FHIT: variants seen among roughly 807,000 people sequenced by gnomAD.
FHIT encodes the protein fragile histidine triad diadenosine triphosphatase, also known as bis(5'-adenosyl)-triphosphatase.
In FHIT, 19 loss-of-function variants were observed where a neutral mutation model predicts 17.9. That is an observed-to-expected ratio of 1.06 (90% CI 0.74 to 1.56). The LOEUF (loss-of-function observed/expected upper bound fraction) is 1.56. FHIT is among the 40% of genes most tolerant of loss of function. The pLI is 0.00. For missense variants in FHIT, 248 were observed against 189.2 expected (o/e 1.31, Z -1.82); for synonymous variants, 81 against 69.7 (o/e 1.16, Z -0.81).
intron 5 of FHIT, among the ~76,000 whole-genome samples, chr3:60,371,365 C>CTT (rs56390367): frequency 6.0e-5 from 9 of 148,878 alleles, no homozygotes; most frequent in East Asian, 2.0e-4. Flanking sequence ...TTTCTTCTAG[C>CTT]TTTTTTTTTT....
chr3:60,277,565 T>C (rs887797318), intron 5 of FHIT, among the ~76,000 whole-genome samples: 44 of 152,170 alleles, frequency 2.9e-4, no homozygotes, highest in African/African-American at 1.0e-3. Flanking sequence ...GCCATTTGCT[T>C]AAGATCAGGG....
intron 2 of FHIT, among the ~76,000 whole-genome samples, chr3:61,198,048 A>C (rs1177455933): frequency 6.6e-6 from 1 of 152,134 alleles, no homozygotes; most frequent in Non-Finnish European, 1.5e-5. Flanking sequence ...GATGAAAGAA[A>C]GTAATGAGTG....
chr3:60,977,576 G>A (rs1235850580), intron 3 of FHIT, among the ~76,000 whole-genome samples: 3 of 152,016 alleles, frequency 2.0e-5, no homozygotes, highest in African/African-American at 7.2e-5. Flanking sequence ...GGCATGCTCT[G>A]TTAGAATCAT....
intron 5 of FHIT, among the ~76,000 whole-genome samples, chr3:60,268,857 G>T (rs1706719117): frequency 6.6e-6 from 1 of 152,050 alleles, no homozygotes; most frequent in African/African-American, 2.4e-5. Flanking sequence ...ATCTAGGTGG[G>T]CCCAACATAA....
At chr3:61,120,654 G>A (rs1240356763) in intron 2 of FHIT, among the ~76,000 whole-genome samples, 1 of 151,950 alleles carries the variant, frequency 6.6e-6, no homozygotes, top group Non-Finnish European at 1.5e-5. Context: ...ACTTTTGCAG[G>A]CTAAAAAATC....
chr3:60,110,973 G>C (rs954740953), intron 5 of FHIT, among the ~76,000 whole-genome samples: 2 of 152,086 alleles, frequency 1.3e-5, no homozygotes, highest in Non-Finnish European at 2.9e-5. Flanking sequence ...CAAAGCCTAG[G>C]AGAGTCTCCT....
At chr3:59,970,016 C>A (rs78274014) in intron 7 of FHIT, among the ~76,000 whole-genome samples, 2 of 152,164 alleles carry the variant, frequency 1.3e-5, no homozygotes, top group East Asian at 1.9e-4. Context: ...CAGAACATAA[C>A]TGAATATCAT....
intron 2 of FHIT, among the ~76,000 whole-genome samples, chr3:61,055,483 A>G (rs1472149540): frequency 6.6e-6 from 1 of 152,212 alleles, no homozygotes; most frequent in East Asian, 1.9e-4. Context: ...AGTGTTTTTC[A>G]CCATATGCTA....
chr3:60,307,106 T>C (rs1213872762), intron 5 of FHIT, among the ~76,000 whole-genome samples: 1 of 152,068 alleles, frequency 6.6e-6, no homozygotes, highest in Non-Finnish European at 1.5e-5. Context: ...AACATAAAAT[T>C]ATGGACACAA....
chr3:60,355,035 T>C (rs1401972652), intron 5 of FHIT, among the ~76,000 whole-genome samples: 3 of 152,174 alleles, frequency 2.0e-5, no homozygotes, highest in African/African-American at 7.2e-5. Flanking sequence ...TTTTTAATCC[T>C]CAATGATTTA....
chr3:61,209,364 G>A (rs1207271455), intron 1 of FHIT, among the ~76,000 whole-genome samples: 2 of 152,256 alleles, frequency 1.3e-5, no homozygotes, highest in African/African-American at 4.8e-5. Flanking sequence ...ATGTTGGCCT[G>A]CCTTGCTAGA....
chr3:59,838,617 G>A (rs975188994), intron 8 of FHIT, among the ~76,000 whole-genome samples: 3 of 152,168 alleles, frequency 2.0e-5, no homozygotes, highest in Admixed American at 6.5e-5. Flanking sequence ...CTTAGGTTTA[G>A]AGACCTGGGC....
At chr3:59,953,761 C>T (rs1707247138) in intron 7 of FHIT, among the ~76,000 whole-genome samples, 1 of 152,172 alleles carries the variant, frequency 6.6e-6, no homozygotes, top group Admixed American at 6.5e-5. Context: ...TGTCAAAAAC[C>T]TCTGAATCAT....
At chr3:60,353,074 A>G (rs1049144199) in intron 5 of FHIT, among the ~76,000 whole-genome samples, 2 of 152,210 alleles carry the variant, frequency 1.3e-5, no homozygotes, top group African/African-American at 4.8e-5. Context: ...GTTTAACAAG[A>G]TAAATTTGAA....
At chr3:60,280,028 T>A (rs1480115936) in intron 5 of FHIT, among the ~76,000 whole-genome samples, 1 of 62,168 alleles carries the variant, frequency 1.6e-5, no homozygotes, top group Non-Finnish European at 3.7e-5. Flanking sequence ...CGAGACTCTG[T>A]CTCAAAAAAA....
intron 5 of FHIT, among the ~76,000 whole-genome samples, chr3:60,219,024 A>G (rs1367729327): frequency 1.3e-5 from 2 of 152,158 alleles, no homozygotes; most frequent in African/African-American, 2.4e-5. Flanking sequence ...TGAAACTGGA[A>G]ATCACTGAAT....
At chr3:61,110,015 C>T (rs2036108365) in intron 2 of FHIT, among the ~76,000 whole-genome samples, 1 of 152,164 alleles carries the variant, frequency 6.6e-6, no homozygotes, top group African/African-American at 2.4e-5. Flanking sequence ...CAATAATTCC[C>T]CAACAGTCTC....
chr3:60,316,041 T>C (rs182887082), intron 5 of FHIT, among the ~76,000 whole-genome samples: 356 of 152,322 alleles, frequency 2.3e-3, no homozygotes, highest in Non-Finnish European at 3.0e-3. Flanking sequence ...CTCAATGATG[T>C]CTACTGTCAT....
intron 8 of FHIT, among the ~76,000 whole-genome samples, chr3:59,782,364 G>A (rs1702631324): frequency 6.6e-6 from 1 of 152,118 alleles, no homozygotes; most frequent in Non-Finnish European, 1.5e-5. Flanking sequence ...GTCCACAAAA[G>A]TTGAAAACAG....
Sources: gnomAD v4.1 joint callset for allele counts (sites outside exome capture counted in the v4.1 genomes callset) on GRCh38, gnomAD v4.1.1 for gene constraint, MANE v1.5 for transcripts, NCBI Gene and HGNC (gene_info 2026-07-23, HGNC 2026-07-21) for gene names.